NR3C2: variants seen among roughly 807,000 people sequenced by gnomAD.
NR3C2 encodes the protein mineralocorticoid receptor.
Under a neutral mutation model 86.4 loss-of-function variants are expected in NR3C2, and 15 were observed. That is an observed-to-expected ratio of 0.17 (90% CI 0.12 to 0.27). NR3C2 has a LOEUF of 0.27. Ranked by LOEUF, NR3C2 falls within the 10% of genes least tolerant of loss-of-function variation. NR3C2 has a pLI of 1.00. For missense variants in NR3C2, 960 were observed against 1,195.6 expected (o/e 0.80, Z 2.91); for synonymous variants, 458 against 450.5 (o/e 1.02, Z -0.21).
At chr4:148,422,462 T>G (rs751137107) in intron 2 of NR3C2, among the ~76,000 whole-genome samples, 1 of 152,078 alleles carries the variant, frequency 6.6e-6, no homozygotes, top group African/African-American at 2.4e-5. Flanking sequence ...GAATATCTAC[T>G]CCCAATTCCA....
rs570041680 is a variant in NR3C2, at chr4:148,199,138, C to T, written c.1898-4276G>A. Among the ~76,000 whole-genome samples, 14 of 150,180 alleles carry T rather than the reference C, an allele frequency of 9.3e-5. No individual in the cohort carries two copies. The South Asian group carries it at 2.9e-3, about 32-fold the overall frequency. ...AAAATCCAAAGAACAAAAATCAACT[C>T]GTAATGAAAGTTAAGTGAGTAAAGA... On this transcript the variant is annotated intron_variant, in intron 3 of 8. Coordinates refer to ENST00000358102, the MANE Select transcript of NR3C2 (RefSeq NM_000901.5).
chr4:148,211,370 T>C (rs1334901572), intron 3 of NR3C2, among the ~76,000 whole-genome samples: 2 of 152,210 alleles, frequency 1.3e-5, no homozygotes, highest in Admixed American at 1.3e-4. Context: ...ACGAGAATCT[T>C]TAAAAAGCTT....
intron 2 of NR3C2, among the ~76,000 whole-genome samples, chr4:148,393,203 AACGC>A (rs1747681108): frequency 1.3e-5 from 2 of 152,212 alleles, no homozygotes; most frequent in South Asian, 4.1e-4. Flanking sequence ...AATAAATGTG[AACGC>A]ACCTGACATT....
intron 4 of NR3C2, among the ~76,000 whole-genome samples, chr4:148,186,172 A>T (rs1440763871): frequency 6.6e-6 from 1 of 152,222 alleles, no homozygotes; most frequent in East Asian, 1.9e-4. Context: ...CAAAAAAAAT[A>T]ACATCTCATT....
intron 3 of NR3C2, among the ~76,000 whole-genome samples, chr4:148,253,893 A>C (rs1312443922): frequency 6.6e-6 from 1 of 152,166 alleles, no homozygotes. Flanking sequence ...GGCATTTAGT[A>C]GGTATTGAGT....
intron 2 of NR3C2, among the ~76,000 whole-genome samples, chr4:148,341,424 A>G (rs1403792537): frequency 6.6e-6 from 1 of 152,156 alleles, no homozygotes; most frequent in Non-Finnish European, 1.5e-5. Flanking sequence ...TCATGGAGAT[A>G]GTTGATTGGT....
intron 2 of NR3C2, among the ~76,000 whole-genome samples, chr4:148,394,007 C>T (rs1389072926): frequency 6.6e-6 from 1 of 152,182 alleles, no homozygotes; most frequent in Non-Finnish European, 1.5e-5. Flanking sequence ...CCTCAAAGGG[C>T]ATTGCAGCTC....
chr4:148,092,222 T>G (rs1187870656), intron 8 of NR3C2, among the ~76,000 whole-genome samples: 1 of 152,236 alleles, frequency 6.6e-6, no homozygotes, highest in Non-Finnish European at 1.5e-5. Context: ...CTTTCTGGAC[T>G]CTCACCTCGC....
intron 8 of NR3C2, among the ~76,000 whole-genome samples, chr4:148,089,670 T>C (rs1023019760): frequency 6.6e-6 from 1 of 152,174 alleles, no homozygotes; most frequent in African/African-American, 2.4e-5. Flanking sequence ...TTTTGCCTTT[T>C]CAGGAATATT....
chr4:148,392,704 C>A (rs934516330), intron 2 of NR3C2, among the ~76,000 whole-genome samples: 1 of 152,142 alleles, frequency 6.6e-6, no homozygotes, highest in Non-Finnish European at 1.5e-5. Context: ...CTCACTATAT[C>A]TAAAAAACAT....
intron 2 of NR3C2, among the ~76,000 whole-genome samples, chr4:148,407,328 T>C (rs1478819730): frequency 6.6e-6 from 1 of 152,228 alleles, no homozygotes; most frequent in African/African-American, 2.4e-5. Flanking sequence ...TTCACTTGAT[T>C]GTTTTATTCA....
At chr4:148,408,856 T>C (rs1019953053) in intron 2 of NR3C2, among the ~76,000 whole-genome samples, 2 of 152,164 alleles carry the variant, frequency 1.3e-5, no homozygotes, top group African/African-American at 2.4e-5. Flanking sequence ...TGCTTATATA[T>C]TGTTCTATAT....
chr4:148,424,246 T>TC (rs1172114057), intron 2 of NR3C2, among the ~76,000 whole-genome samples: 3 of 152,134 alleles, frequency 2.0e-5, no homozygotes, highest in African/African-American at 7.2e-5. Flanking sequence ...CAATGAGATA[T>TC]CCCTACACAT....
intron 6 of NR3C2, among the ~76,000 whole-genome samples, chr4:148,151,027 T>A (rs147119372): frequency 1.1e-3 from 166 of 152,254 alleles, no homozygotes; most frequent in African/African-American, 3.8e-3. Context: ...GATTGTTGAA[T>A]GGGTTTAGAG....
chr4:148,154,298 A>G (rs1303437072), intron 5 of NR3C2, among the ~76,000 whole-genome samples: 3 of 152,232 alleles, frequency 2.0e-5, no homozygotes, highest in African/African-American at 7.2e-5. Context: ...TGCTGGGATT[A>G]CAGGCGTGAG....
At chr4:148,285,444 C>G (rs1304671610) in intron 2 of NR3C2, among the ~76,000 whole-genome samples, 1 of 152,184 alleles carries the variant, frequency 6.6e-6, no homozygotes, top group African/African-American at 2.4e-5. Flanking sequence ...CGTGGTGGCT[C>G]TTGCCTGTAA....
chr4:148,356,183 G>C (rs72656854), intron 2 of NR3C2, among the ~76,000 whole-genome samples: 129 of 152,150 alleles, frequency 8.5e-4, no homozygotes, highest in African/African-American at 3.0e-3. Context: ...ATTAATCAAA[G>C]AAAGCCACAT....
At chr4:148,156,959 G>A (rs1354039852) in intron 4 of NR3C2, among the ~76,000 whole-genome samples, 1 of 151,880 alleles carries the variant, frequency 6.6e-6, no homozygotes, top group Admixed American at 6.6e-5. Context: ...TATACACCAT[G>A]GAATACTATG....
chr4:148,285,313 G>A (rs1351661383), intron 2 of NR3C2, among the ~76,000 whole-genome samples: 5 of 152,214 alleles, frequency 3.3e-5, no homozygotes, highest in Admixed American at 6.5e-5. Flanking sequence ...TTTCCCAAAC[G>A]ATGTTGCTGG....
Sources: allele counts gnomAD v4.1 joint callset (sites outside exome capture counted in the v4.1 genomes callset), GRCh38; gene constraint gnomAD v4.1.1; transcripts MANE v1.5; gene names NCBI Gene and HGNC (gene_info 2026-07-23, HGNC 2026-07-21).